Variants in MAPKAP1 observed in about 807,000 individuals in gnomAD.
The protein encoded by MAPKAP1 is MAPK associated protein 1, also known as target of rapamycin complex 2 subunit MAPKAP1.
A neutral mutation model predicts 65.7 loss-of-function variants in MAPKAP1; 20 were observed. The ratio of observed to expected loss-of-function variants is 0.30; its 90% confidence interval spans 0.21 to 0.44. The LOEUF (loss-of-function observed/expected upper bound fraction) is 0.44, where lower values mean the gene tolerates loss of function less well. Among genes scored for constraint, MAPKAP1 ranks in the 20% least tolerant of loss-of-function variants. The probability of loss-of-function intolerance (pLI) is 1.00; values close to 1 mark genes in which losing one functional copy is unlikely to be tolerated. For missense variants in MAPKAP1, 423 were observed against 648.0 expected, an observed-to-expected ratio of 0.65 and a Z score of 3.77; for synonymous variants, 222 against 244.3, an observed-to-expected ratio of 0.91 and a Z score of 0.85.
chr9:125,582,969 G>T (rs947649135), intron 5 of MAPKAP1, among the ~76,000 whole-genome samples: 9 of 152,150 alleles, frequency 5.9e-5, no homozygotes, highest in African/African-American at 1.9e-4. Flanking sequence ...AGAAAAATCA[G>T]TATGTCATAC....
rs148255338 is a variant in MAPKAP1, at chr9:125,618,830, A to C, written c.499-33103T>G. 3.0e-3 allele frequency among the ~76,000 whole-genome samples: 455 copies of C among 152,366 alleles called. 2 individuals carry two copies. Among genetic ancestry groups the C allele is most frequent in the African/African-American group, 4.2e-3 (175 of 41,590 alleles). ...CATCCACCCCCGCACCTTTATTCTTACTTATGAAAATTTGTCTTAGGCTGG... is the reference window on the plus strand; with the variant it reads ...CATCCACCCCCGCACCTTTATTCTTCCTTATGAAAATTTGTCTTAGGCTGG... On this transcript the variant is annotated intron_variant, in intron 4 of 11. Transcript: ENST00000265960.
chr9:125,537,397 C>T (rs1016157887), intron 7 of MAPKAP1, among the ~76,000 whole-genome samples: 6 of 152,188 alleles, frequency 3.9e-5, no homozygotes, highest in African/African-American at 1.4e-4. Context: ...TACACCAAGG[C>T]ACTCCATTCA....
chr9:125,592,991 G>GA (rs1365534076), intron 4 of MAPKAP1, among the ~76,000 whole-genome samples: 3 of 132,868 alleles, frequency 2.3e-5, no homozygotes, highest in South Asian at 5.0e-4. Context: ...AAAAAAAAAA[G>GA]AAAAAAAAGA....
At chr9:125,459,951 G>T (rs190041537) in intron 10 of MAPKAP1, among the ~76,000 whole-genome samples, 18 of 152,212 alleles carry the variant, frequency 1.2e-4, no homozygotes, top group Admixed American at 3.3e-4. Flanking sequence ...ATGTCTAAGA[G>T]AGTAACTTAA....
intron 6 of MAPKAP1, among the ~76,000 whole-genome samples, chr9:125,546,707 G>A (rs1830434984): frequency 6.6e-6 from 1 of 152,122 alleles, no homozygotes; most frequent in Non-Finnish European, 1.5e-5. Flanking sequence ...GGTCCTGGGG[G>A]GAGTGCTGGT....
intron 4 of MAPKAP1, among the ~76,000 whole-genome samples, chr9:125,641,061 T>A (rs376404870): frequency 6.6e-6 from 1 of 152,338 alleles, no homozygotes; most frequent in East Asian, 1.9e-4. Flanking sequence ...TATCTCAACA[T>A]AGAAATAATA....
At chr9:125,453,643 TTC>T (rs1298861073) in intron 10 of MAPKAP1, among the ~76,000 whole-genome samples, 23 of 152,274 alleles carry the variant, frequency 1.5e-4, no homozygotes, top group Admixed American at 1.5e-3. Flanking sequence ...CTTTTTTGTA[TTC>T]TGTTACATTA....
chr9:125,503,058 T>C (rs1829032096), intron 8 of MAPKAP1, among the ~76,000 whole-genome samples: 1 of 152,210 alleles, frequency 6.6e-6, no homozygotes, highest in Non-Finnish European at 1.5e-5. Flanking sequence ...TTAATATGGC[T>C]ACACCAGATT....
chr9:125,524,831 A>T (rs1009589478), intron 7 of MAPKAP1, among the ~76,000 whole-genome samples: 2 of 152,252 alleles, frequency 1.3e-5, no homozygotes, highest in Non-Finnish European at 2.9e-5. Flanking sequence ...AGTCCTGCTG[A>T]AAAGAAAATT....
intron 4 of MAPKAP1, among the ~76,000 whole-genome samples, chr9:125,619,408 C>T (rs556933259): frequency 9.4e-4 from 143 of 151,388 alleles, no homozygotes; most frequent in African/African-American, 3.4e-3. Flanking sequence ...ACCCGGGAGG[C>T]GGAGGTTACA....
intron 5 of MAPKAP1, 67 bp from the exon 6 acceptor site, chr9:125,559,876 T>C (rs945259126): frequency 2.0e-6 from 3 of 1,497,284 alleles, no homozygotes; most frequent in South Asian, 1.3e-5. Flanking sequence ...CCAGAGGGTA[T>C]GGTGCACAGC....
At chr9:125,524,866 T>A (rs1342525576) in intron 7 of MAPKAP1, among the ~76,000 whole-genome samples, 1 of 152,236 alleles carries the variant, frequency 6.6e-6, no homozygotes, top group African/African-American at 2.4e-5. Context: ...CTCCAGCTTT[T>A]AACCCTTCTG....
rs138747515 is a variant in MAPKAP1, at chr9:125,703,606, T to C, written c.-70+3365A>G. Among the ~76,000 whole-genome samples the C allele has an allele frequency of 2.2e-3, 336 of 152,128 alleles. 1 individual carries two copies. The highest frequency in any genetic ancestry group is 7.7e-3 in the African/African-American group (320 of 41,496). On this transcript the variant is annotated intron_variant, in intron 1 of 11. Transcript: ENST00000265960. Reference sequence around the variant, plus strand: ...GGCCAACACAGCAAAACCCCGTTTCTACTAAAAACACAAAAATTGGCCAGG... The same window carrying C: ...GGCCAACACAGCAAAACCCCGTTTCCACTAAAAACACAAAAATTGGCCAGG...
chr9:125,554,688 T>C (rs1399533621), intron 6 of MAPKAP1, among the ~76,000 whole-genome samples: 2 of 146,966 alleles, frequency 1.4e-5, no homozygotes, highest in East Asian at 4.0e-4. Context: ...TCCAGCTACT[T>C]GGGAGGCTGA....
chr9:125,693,426 A>T (rs187302072), intron 1 of MAPKAP1, among the ~76,000 whole-genome samples: 5,833 of 131,266 alleles, frequency 0.044, 186 homozygotes, highest in African/African-American at 0.094. Flanking sequence ...AAAAAAAAAA[A>T]ATATATATAT....
rs146896647 is a variant in MAPKAP1 at position 125,524,814 on chromosome 9, C to T, written c.958+18245G>A. ...TCCTCTCTGCTAATGTCAGATGTTCCCTGGGAAGTCCTGCTGAAAAGAAAA... is the reference window on the plus strand; with the variant it reads ...TCCTCTCTGCTAATGTCAGATGTTCTCTGGGAAGTCCTGCTGAAAAGAAAA... On this transcript the variant is annotated intron_variant, in intron 7 of 11. Coordinates refer to ENST00000265960, the MANE Select transcript of MAPKAP1 (RefSeq NM_001006617.3). Among the ~76,000 whole-genome samples, 3 of 152,332 alleles carry T rather than the reference C, an allele frequency of 2.0e-5. No homozygotes were observed. The East Asian group carries it at 5.8e-4, about 29-fold the overall frequency.
intron 4 of MAPKAP1, among the ~76,000 whole-genome samples, chr9:125,601,476 CT>C (rs1490904833): frequency 4.6e-5 from 7 of 152,146 alleles, no homozygotes; most frequent in Admixed American, 1.3e-4. Context: ...TGTTTTATCA[CT>C]TTAAGATTCA....
intron 5 of MAPKAP1, among the ~76,000 whole-genome samples, chr9:125,579,397 T>C (rs1484239195): frequency 1.3e-5 from 2 of 152,218 alleles, no homozygotes; most frequent in Non-Finnish European, 2.9e-5. Context: ...GTTCAAGTGA[T>C]TCTCCTGCCT....
At chr9:125,669,641 A>G (rs1211248700) in intron 3 of MAPKAP1, among the ~76,000 whole-genome samples, 177 bp downstream of exon 3, 1 of 152,214 alleles carries the variant, frequency 6.6e-6, no homozygotes, top group Non-Finnish European at 1.5e-5. Flanking sequence ...AAAGCCAAGA[A>G]CTAAAGAGCA....
Sources: allele counts gnomAD v4.1 joint callset (sites outside exome capture counted in the v4.1 genomes callset), GRCh38; gene constraint gnomAD v4.1.1; transcripts MANE v1.5; gene names NCBI Gene and HGNC (gene_info 2026-07-23, HGNC 2026-07-21).